Variants in SYTL3 observed in about 807,000 individuals in gnomAD.
SYTL3 encodes synaptotagmin-like protein 3.
Under a neutral mutation model 82.1 loss-of-function variants are expected in SYTL3, and 88 were observed. The ratio of observed to expected loss-of-function variants is 1.07; its 90% CI spans 0.90 to 1.28. The LOEUF (loss-of-function observed/expected upper bound fraction) is 1.28. Ranked by LOEUF, SYTL3 falls within the 50% of genes most tolerant of loss-of-function variation. SYTL3 has a pLI of 0.00. For missense variants in SYTL3, 831 were observed against 757.6 expected, an observed-to-expected ratio of 1.10 and a Z score of -1.14; for synonymous variants, 311 against 289.4, an observed-to-expected ratio of 1.07 and a Z score of -0.76.
chr6:158,713,799 G>A lies in SYTL3; in HGVS notation c.517-1G>A. 2 of 1,544,652 alleles carry A rather than the reference G, an allele frequency of 1.3e-6. No individual in the cohort carries two copies. The highest frequency in any genetic ancestry group is 1.8e-6 in the Non-Finnish European group (2 of 1,141,166). On this transcript the variant is annotated splice_acceptor_variant, in intron 8 of 17. Coordinates refer to ENST00000611299, the MANE Select transcript of SYTL3 (RefSeq NM_001242394.2). LOFTEE classifies it high-confidence loss of function. ...ATTCTCTCCTTCTGTCTCTGTTTTA[G>A]TTACAGGAATTTGGTCAGTTTAGAG... is the stretch of plus-strand genomic sequence containing the variant.
At chr6:158,704,357 C>A (rs1305911930) in intron 6 of SYTL3, among the ~76,000 whole-genome samples, 1 of 152,218 alleles carries the variant, frequency 6.6e-6, no homozygotes, top group Non-Finnish European at 1.5e-5. Flanking sequence ...CTGTGCCCCG[C>A]GTCGCTGCAG....
At chr6:158,703,635 G>T (rs905968540) in intron 6 of SYTL3, among the ~76,000 whole-genome samples, 3 of 152,028 alleles carry the variant, frequency 2.0e-5, no homozygotes, top group Non-Finnish European at 2.9e-5. Context: ...CCCGGATCTT[G>T]CTCCAATGGG....
At chr6:158,708,944 T>C (rs1044720535) in intron 8 of SYTL3, among the ~76,000 whole-genome samples, 4 of 152,176 alleles carry the variant, frequency 2.6e-5, no homozygotes, top group Admixed American at 2.6e-4. Flanking sequence ...TTGAAAATAC[T>C]GTAAGTCAAA....
intron 12 of SYTL3, among the ~76,000 whole-genome samples, chr6:158,749,505 C>CTTTTTTTTTTT (rs1217000691): frequency 4.2e-5 from 4 of 94,314 alleles, no homozygotes; most frequent in African/African-American, 1.6e-4. Context: ...TTTTCTTTCT[C>CTTTTTTTTTTT]TCTTTTTTTT....
chr6:158,694,395 A>C (rs1442652292), intron 6 of SYTL3, among the ~76,000 whole-genome samples: 1 of 151,864 alleles, frequency 6.6e-6, no homozygotes, highest in African/African-American at 2.4e-5. Flanking sequence ...TCCTAGGATC[A>C]AGCAATCCTC....
chr6:158,694,351 A>G (rs572777768), intron 6 of SYTL3, among the ~76,000 whole-genome samples: 91 of 151,178 alleles, frequency 6.0e-4, no homozygotes, highest in African/African-American at 2.0e-3. Flanking sequence ...GCTGGAGTGC[A>G]GTGGAGTGAT....
At chr6:158,761,966 T>C in intron 15 of SYTL3, 110 bp from the exon 16 acceptor site, 1 of 734,846 alleles carries the variant, frequency 1.4e-6, no homozygotes, top group Non-Finnish European at 2.3e-6. Flanking sequence ...TCTCGGGGTC[T>C]GAGGGCTGTA....
intron 11 of SYTL3, among the ~76,000 whole-genome samples, chr6:158,733,957 G>A (rs144621851): frequency 2.0e-5 from 3 of 151,682 alleles, no homozygotes; most frequent in African/African-American, 7.3e-5. Flanking sequence ...AATTAGCCAG[G>A]CGTGATGGCG....
At chr6:158,732,983 A>C (rs1454889038) in intron 11 of SYTL3, among the ~76,000 whole-genome samples, 1 of 151,990 alleles carries the variant, frequency 6.6e-6, no homozygotes, top group Non-Finnish European at 1.5e-5. Flanking sequence ...GTAAAATCAA[A>C]AGGAGGGAAT....
At chr6:158,722,262 G>C (rs1784202873) in intron 10 of SYTL3, among the ~76,000 whole-genome samples, 1 of 152,028 alleles carries the variant, frequency 6.6e-6, no homozygotes, top group South Asian at 2.1e-4. Flanking sequence ...CTGGGCTCAG[G>C]TGATCCTCCC....
At chr6:158,699,538 G>C (rs1365194939) in intron 6 of SYTL3, among the ~76,000 whole-genome samples, 1 of 152,180 alleles carries the variant, frequency 6.6e-6, no homozygotes, top group Non-Finnish European at 1.5e-5. Context: ...GCCACACGCG[G>C]CGGATCTTAC....
chr6:158,760,796 C>A, intron 15 of SYTL3, 51 bp downstream of exon 15: 1 of 1,452,894 alleles, frequency 6.9e-7, no homozygotes, highest in Non-Finnish European at 9.7e-7. Context: ...GTCTGCAGAG[C>A]CTGGTGCTGC....
chr6:158,759,292 C>G (rs1162447753), intron 14 of SYTL3, among the ~76,000 whole-genome samples: 1 of 152,244 alleles, frequency 6.6e-6, no homozygotes, highest in African/African-American at 2.4e-5. Context: ...AGTCCGCCCA[C>G]AGACCCGCCC....
chr6:158,713,352 T>A (rs1285238802), intron 8 of SYTL3, among the ~76,000 whole-genome samples: 3 of 152,160 alleles, frequency 2.0e-5, no homozygotes, highest in African/African-American at 4.8e-5. Flanking sequence ...TCTTGCCTGG[T>A]CACCTTGTGG....
At chr6:158,755,843 G>A (rs1788988928) in intron 13 of SYTL3, among the ~76,000 whole-genome samples, 1 of 152,204 alleles carries the variant, frequency 6.6e-6, no homozygotes, top group Non-Finnish European at 1.5e-5. Context: ...ATGGGCCACA[G>A]AGGTCAGCAG....
At chr6:158,701,749 C>T (rs569441878) in intron 6 of SYTL3, among the ~76,000 whole-genome samples, 2 of 151,978 alleles carry the variant, frequency 1.3e-5, no homozygotes, top group South Asian at 4.2e-4. Context: ...TGGGGATCCT[C>T]CAACAACAGA....
intron 13 of SYTL3, among the ~76,000 whole-genome samples, chr6:158,754,547 C>T (rs1029962659): frequency 2.6e-5 from 4 of 152,112 alleles, no homozygotes; most frequent in Admixed American, 6.6e-5. Flanking sequence ...GGTGAAACCC[C>T]GTCTCTACTA....
At position 158,658,332 on chromosome 6, in the gene SYTL3, T is replaced by C. The variant is rs552533543; in HGVS notation, c.-636-2937T>C. On this transcript the variant is annotated intron_variant, in intron 2 of 17. Coordinates refer to ENST00000611299, the MANE Select transcript of SYTL3 (RefSeq NM_001242394.2). ...GATTTATATGAAAATGCAAGACAGTTATTTGTCGCTGTGACAATCATATAT... is the reference window on the plus strand; with the variant it reads ...GATTTATATGAAAATGCAAGACAGTCATTTGTCGCTGTGACAATCATATAT... 5.3e-5 allele frequency among the ~76,000 whole-genome samples: 8 copies of C among 152,352 alleles called. No homozygotes were observed. In the South Asian group the frequency reaches 1.7e-3, roughly 32 times the overall value.
At position 158,748,826 on chromosome 6, in the gene SYTL3, C is replaced by A. The variant is rs1787986272; in HGVS notation, c.1035-3102C>A. ...CACCATTGCACTCCAGCCTGGGCAA[C>A]AAGAGCAAAACTCCGCCTGAAAAAA... is the stretch of plus-strand genomic sequence containing the variant. On this transcript the variant is annotated intron_variant, in intron 12 of 17. Coordinates refer to ENST00000611299, the MANE Select transcript of SYTL3 (RefSeq NM_001242394.2). Among the ~76,000 whole-genome samples the A allele has an allele frequency of 4.2e-5, 6 of 143,488 alleles. No individual in the cohort carries two copies. The South Asian group carries it at 1.3e-3, about 32-fold the overall frequency. 94.1% of individuals were successfully genotyped at this position (143,488 alleles called of 152,430 possible).
Sources: gnomAD v4.1 joint callset for allele counts (sites outside exome capture counted in the v4.1 genomes callset) on GRCh38, gnomAD v4.1.1 for gene constraint, MANE v1.5 for transcripts, NCBI Gene and HGNC (gene_info 2026-07-23, HGNC 2026-07-21) for gene names.